Variants in KIF15 observed in about 807,000 individuals in gnomAD.
KIF15 encodes kinesin-like protein KIF15.
A neutral mutation model predicts 190.6 loss-of-function variants in KIF15; 140 were observed. That is an observed-to-expected ratio of 0.73 (90% CI 0.64 to 0.84). KIF15 has a LOEUF of 0.84. KIF15 is among the 40% of genes least tolerant of loss of function. The pLI, the probability that KIF15 is intolerant of heterozygous loss-of-function variation, is 0.00. For synonymous variants in KIF15, 528 were observed against 551.3 expected (o/e 0.96, Z 0.59); for missense variants, 1,372 against 1,584.4 (o/e 0.87, Z 2.28).
chr3:44,830,801 C>T (rs1698031556), intron 25 of KIF15, 95 bp from the exon 26 acceptor site: 2 of 1,224,758 alleles, frequency 1.6e-6, no homozygotes, highest in Non-Finnish European at 2.3e-6. Flanking sequence ...TTGTGTTAAT[C>T]TTGTCATCAC....
intron 7 of KIF15, among the ~76,000 whole-genome samples, chr3:44,793,305 A>G (rs1706809559): frequency 6.6e-6 from 1 of 152,140 alleles, no homozygotes; most frequent in South Asian, 2.1e-4. Flanking sequence ...TGCTTGCCAT[A>G]GGGAATAGAA....
intron 16 of KIF15, among the ~76,000 whole-genome samples, chr3:44,806,747 TTTC>T (rs1575619042): frequency 6.6e-6 from 1 of 152,072 alleles, no homozygotes; most frequent in East Asian, 1.9e-4. Flanking sequence ...GTTCTTTTCT[TTTC>T]TTTTCTTTTT....
intron 10 of KIF15, among the ~76,000 whole-genome samples, chr3:44,798,767 A>G (rs1197822620): frequency 6.6e-6 from 1 of 152,170 alleles, no homozygotes; most frequent in Non-Finnish European, 1.5e-5. Flanking sequence ...CCAACAGCCA[A>G]TCAATCAGTT....
intron 7 of KIF15, among the ~76,000 whole-genome samples, chr3:44,790,781 C>G (rs915789638): frequency 3.3e-5 from 5 of 150,598 alleles, no homozygotes; most frequent in Non-Finnish European, 7.4e-5. Flanking sequence ...CAACCTCTGC[C>G]TCCCAGGTTC....
chr3:44,776,653 G>T (rs1417491958), intron 3 of KIF15, among the ~76,000 whole-genome samples: 1 of 152,042 alleles, frequency 6.6e-6, no homozygotes, highest in Non-Finnish European at 1.5e-5. Flanking sequence ...TAAGGATTTA[G>T]GATTACCGTG....
rs1054844367 is a variant in KIF15, at chr3:44,843,151, A to G, written c.3612A>G (p.Leu1204=). 5.6e-6 allele frequency: 9 copies of G among 1,613,214 alleles called. No homozygotes were observed. The highest frequency in any genetic ancestry group is 1.7e-5 in the Admixed American group (1 of 59,882). ...MKEQLREMEN[L]RLESQQLIEK... ...AGCAGTTGCGTGAAATGGAAAACCTACGCCTGGAAAGTCAGCAGTTAATAG... is the reference window on the plus strand; with the variant it reads ...AGCAGTTGCGTGAAATGGAAAACCTGCGCCTGGAAAGTCAGCAGTTAATAG... The change falls in exon 30 of 35, where the codon CTA becomes CTG. Residue 1204 remains leucine (L), a synonymous_variant. Transcript: ENST00000326047.
intron 1 of KIF15, among the ~76,000 whole-genome samples, chr3:44,765,557 G>GTAAT (rs1377490304): frequency 1.3e-5 from 2 of 152,188 alleles, no homozygotes; most frequent in Admixed American, 1.3e-4. Context: ...TTAAACTCCA[G>GTAAT]TAATTGTTAG....
intron 6 of KIF15, among the ~76,000 whole-genome samples, chr3:44,868,513 A>G (rs1699344046): frequency 6.6e-6 from 1 of 152,322 alleles, no homozygotes; most frequent in African/African-American, 2.4e-5. Flanking sequence ...TGATATAACT[A>G]TGATACAATA....
At chr3:44,801,215 G>T (rs866532339) in intron 11 of KIF15, among the ~76,000 whole-genome samples, 19 of 150,536 alleles carry the variant, frequency 1.3e-4, no homozygotes, top group African/African-American at 1.7e-4. Flanking sequence ...CGGCGGGAGG[G>T]GGGGGTCTCA....
At chr3:44,846,868 A>C (rs1698872529) in intron 30 of KIF15, among the ~76,000 whole-genome samples, 1 of 152,076 alleles carries the variant, frequency 6.6e-6, no homozygotes, top group South Asian at 2.1e-4. Context: ...AAATTAGAGA[A>C]AGGGCAGACT....
At chr3:44,844,471 T>G (rs940597676) in intron 30 of KIF15, among the ~76,000 whole-genome samples, 2 of 152,208 alleles carry the variant, frequency 1.3e-5, no homozygotes, top group African/African-American at 4.8e-5. Flanking sequence ...AAGAAAAGCC[T>G]TATATTTAGT....
rs377167940 is a variant in KIF15 at position 44,830,955 on chromosome 3, G to C, written c.3108G>C (p.Gln1036His). ...REESRVLIKK[Q>H]EVDILDLKET... The stretch of plus-strand genomic sequence containing the variant: ...AGAGCAGAGTGTTGATCAAGAAGCA[G>C]GAAGTGGATATTCTGGATCTGAAAG... The change falls in exon 26 of 35, where the codon CAG becomes CAC. Residue 1036 changes from glutamine to histidine, a missense_variant. By Grantham distance (24) the Gln-to-His change is conservative (BLOSUM62 0). Transcript: ENST00000326047. 1.6e-5 allele frequency: 26 copies of C among 1,613,846 alleles called. No homozygotes were observed. In the African/African-American group the frequency reaches 2.7e-4, roughly 17 times the overall value.
Position 44,797,786 on chromosome 3 carries a change from G to T in KIF15, c.976-48G>T, listed in dbSNP as rs192020295. ...GTATACATTTTCTTTGCTTAAAAAG[G>T]TCTTGTGATTTCTCACCGAAAATAT... On this transcript the variant is annotated intron_variant, in intron 9 of 34. Coordinates refer to ENST00000326047, the MANE Select transcript of KIF15 (RefSeq NM_020242.3). 298 of 1,606,878 alleles carry T rather than the reference G, an allele frequency of 1.9e-4. No individual in the cohort carries two copies. The South Asian group carries it at 2.8e-3, about 15-fold the overall frequency.
chr3:44,780,238 A>G (rs1706103444), intron 4 of KIF15, among the ~76,000 whole-genome samples: 1 of 152,084 alleles, frequency 6.6e-6, no homozygotes, highest in Non-Finnish European at 1.5e-5. Flanking sequence ...CCTGGCTTCA[A>G]CGTTTTTACT....
chr3:44,828,450 A>G (rs1291746343), intron 24 of KIF15, 150 bp downstream of exon 24: 1 of 565,912 alleles, frequency 1.8e-6, no homozygotes, highest in East Asian at 3.0e-5. Context: ...TCATCCTCCA[A>G]GGTTCCTAGA....
Position 44,829,989 on chromosome 3 carries a change from A to G in KIF15, c.2962A>G (p.Met988Val), listed in dbSNP as rs1697984962. The change falls in exon 25 of 35, where the codon ATG becomes GTG. Residue 988 changes from methionine to valine, a missense_variant. Transcript: ENST00000326047. ...TCATCAGAAAGTTGTAGCTGACCTC[A>G]TGAACCAGATCCAGGAGCTAAGAAC... is the stretch of plus-strand genomic sequence containing the variant. The part of the protein sequence containing the change: ...DSDKKVVADL[M>V]NQIQELRTSV... 6.3e-7 allele frequency: 1 copy of G among 1,589,998 alleles called. No individual in the cohort carries two copies. Among genetic ancestry groups the G allele is most frequent in the South Asian group, 1.1e-5 (1 of 87,812 alleles).
intron 21 of KIF15, 77 bp downstream of exon 21, chr3:44,826,266 C>T: frequency 6.4e-7 from 1 of 1,554,516 alleles, no homozygotes. Context: ...TCCTTTCCTC[C>T]TTCTTTGCTA....
chr3:44,792,644 T>G (rs1430794638), intron 7 of KIF15, among the ~76,000 whole-genome samples: 3 of 151,764 alleles, frequency 2.0e-5, no homozygotes, highest in Non-Finnish European at 2.9e-5. Flanking sequence ...CCTCCCGGGT[T>G]CAAGCGATTC....
intron 30 of KIF15, among the ~76,000 whole-genome samples, chr3:44,847,102 CAT>C (rs1420103375): frequency 6.6e-6 from 1 of 152,190 alleles, no homozygotes; most frequent in African/African-American, 2.4e-5. Flanking sequence ...GGACAGAAAA[CAT>C]ATCTTTCCCT....
Sources: allele counts gnomAD v4.1 joint callset (sites outside exome capture counted in the v4.1 genomes callset), GRCh38; gene constraint gnomAD v4.1.1; transcripts MANE v1.5; gene names NCBI Gene and HGNC (gene_info 2026-07-23, HGNC 2026-07-21).